HERC1: variants seen among roughly 807,000 people sequenced by gnomAD.
HERC1 encodes HECT and RLD domain containing E3 ubiquitin protein ligase family member 1.
In HERC1, 160 loss-of-function variants were observed where a neutral mutation model predicts 554.3. The ratio of observed to expected loss-of-function variants is 0.29; its 90% confidence interval spans 0.25 to 0.33. The LOEUF (loss-of-function observed/expected upper bound fraction) is 0.33. Ranked by LOEUF, HERC1 falls within the 10% of genes least tolerant of loss-of-function variation. The pLI, the probability that HERC1 is intolerant of heterozygous loss-of-function variation, is 1.00. For missense variants in HERC1, 4,919 were observed against 5,918.5 expected (o/e 0.83, Z 5.54); for synonymous variants, 2,175 against 2,131.7 (o/e 1.02, Z -0.56).
chr15:63,759,267 AAACAGC>A (rs796890038), intron 3 of HERC1, among the ~76,000 whole-genome samples: 63 of 152,326 alleles, frequency 4.1e-4, no homozygotes, highest in African/African-American at 1.4e-3. Flanking sequence ...GCTGTTCTAA[AAACAGC>A]GAAGGCACAA....
rs756599183 is a variant in HERC1, at chr15:63,659,967, G to A, written c.9224-31C>T. 27 of 1,477,652 alleles carry A rather than the reference G, an allele frequency of 1.8e-5. No homozygotes were observed. The South Asian group carries it at 3.0e-4, about 16-fold the overall frequency. 91.5% of individuals were successfully genotyped at this position (1,477,652 alleles called of 1,614,324 possible). ...ATTTAAATAAATAAATGTATAGTAT[G>A]TGAATTTAAATATTACATAAATCTG... is the stretch of plus-strand genomic sequence containing the variant. On this transcript the variant is annotated intron_variant, in intron 46 of 77. Coordinates refer to ENST00000443617, the MANE Select transcript of HERC1 (RefSeq NM_003922.4).
Position 63,674,334 on chromosome 15 carries a change from T to C in HERC1, c.7846+8A>G. The C allele has an allele frequency of 6.4e-7, 1 of 1,559,178 alleles. No individual in the cohort carries two copies. Among genetic ancestry groups the C allele is most frequent in the Non-Finnish European group, 8.7e-7 (1 of 1,155,274 alleles). On this transcript the variant is annotated splice_region_variant and intron_variant, in intron 38 of 77. Transcript: ENST00000443617. ...AAAAGCAAAAAAAAAAAAAATCAGA[T>C]AACATACCTTGCTTAATTTTGCCCC...
In HERC1 at chr15:63,696,407, A is replaced by G. The variant is rs2072415431; in HGVS notation, c.4906-68T>C. 2.7e-6 allele frequency: 3 copies of G among 1,103,542 alleles called. No homozygotes were observed. In the East Asian group the frequency reaches 7.7e-5, roughly 28 times the overall value. The allele number at this position is 1,103,542 out of a possible 1,614,324, so 68.4% of individuals were successfully genotyped here. On this transcript the variant is annotated intron_variant, in intron 26 of 77. Transcript: ENST00000443617. ...GACATGATGAAACTCTGTATGCCAAAAACAGTATTTTTAACACTTAGAAAA... is the reference window on the plus strand; with the variant it reads ...GACATGATGAAACTCTGTATGCCAAGAACAGTATTTTTAACACTTAGAAAA...
At chr15:63,833,607 C>G (rs146651976) in intron 1 of HERC1, among the ~76,000 whole-genome samples, 4,656 of 151,934 alleles carry the variant, frequency 0.031, 230 homozygotes, top group African/African-American at 0.11. Context: ...CCTCTAGAGC[C>G]GGGGACCCGG....
chr15:63,763,053 T>C (rs763889379), intron 3 of HERC1, among the ~76,000 whole-genome samples: 2 of 152,176 alleles, frequency 1.3e-5, no homozygotes, highest in Non-Finnish European at 2.9e-5. Flanking sequence ...TACCAATAAA[T>C]ACCGTGGGGT....
chr15:63,730,026 CAAAAAAAAAAAA>C (rs57121923), intron 14 of HERC1, among the ~76,000 whole-genome samples: 3 of 71,482 alleles, frequency 4.2e-5, no homozygotes, highest in Admixed American at 3.3e-4. Context: ...AACTATGTCT[CAAAAAAAAAAAA>C]AAAAAAAAAG....
At chr15:63,754,825 T>TAAACTGGGTCATAGAG (rs2075367394) in intron 6 of HERC1, among the ~76,000 whole-genome samples, 177 bp from the exon 7 acceptor site, 1 of 152,248 alleles carries the variant, frequency 6.6e-6, no homozygotes, top group Non-Finnish European at 1.5e-5. Flanking sequence ...AAGGTGCTCC[T>TAAACTGGGTCATAGAG]AAACTGGGTC....
chr15:63,608,880 TTTTG>T lies in HERC1; in HGVS notation c.*197_*200del. The T allele has an allele frequency of 2.2e-6, 1 of 452,150 alleles. No individual in the cohort carries two copies. The highest frequency in any genetic ancestry group is 3.7e-6 in the Non-Finnish European group (1 of 270,736). 28.0% of individuals were successfully genotyped at this position (452,150 alleles called of 1,614,324 possible). A position where few individuals can be genotyped will look rare whatever the true frequency, so the allele number is the denominator to read the frequency against. On this transcript the variant is annotated 3_prime_UTR_variant, in exon 78 of 78. Coordinates refer to ENST00000443617, the MANE Select transcript of HERC1 (RefSeq NM_003922.4). ...AAAAACCTGACTGAGAGCACTTCGT[TTTTG>T]TTGTTTTTGTACAATCACAGAAAAA... is the stretch of plus-strand genomic sequence containing the variant.
chr15:63,760,210 CT>C (rs979452804), intron 3 of HERC1, among the ~76,000 whole-genome samples: 6 of 151,532 alleles, frequency 4.0e-5, no homozygotes, highest in African/African-American at 1.5e-4. Flanking sequence ...TGGAAAACGA[CT>C]TTTTTTTAAC....
chr15:63,655,560 A>C (rs1317847193), intron 50 of HERC1, among the ~76,000 whole-genome samples, 182 bp downstream of exon 50: 1 of 152,204 alleles, frequency 6.6e-6, no homozygotes, highest in Non-Finnish European at 1.5e-5. Flanking sequence ...AACTAAACTA[A>C]TATGGTACAT....
chr15:63,628,530 C>A, intron 70 of HERC1, 147 bp downstream of exon 70: 3 of 797,468 alleles, frequency 3.8e-6, no homozygotes, highest in Non-Finnish European at 5.7e-6. Context: ...ACTTCCAGTG[C>A]TAGTAGCACA....
intron 14 of HERC1, among the ~76,000 whole-genome samples, chr15:63,732,095 G>C (rs2074320789): frequency 1.3e-5 from 2 of 152,058 alleles, no homozygotes; most frequent in Admixed American, 6.5e-5. Context: ...TCTGCTCCCT[G>C]GTTCAAGCAA....
At chr15:63,623,617 C>A (rs1191349253) in intron 73 of HERC1, 108 bp downstream of exon 73, 2 of 1,056,584 alleles carry the variant, frequency 1.9e-6, no homozygotes, top group Non-Finnish European at 2.8e-6. Flanking sequence ...CTCACAAATG[C>A]ATCCTTGCTA....
intron 59 of HERC1, among the ~76,000 whole-genome samples, chr15:63,642,449 C>T (rs1272441882): frequency 2.0e-5 from 3 of 152,056 alleles, no homozygotes; most frequent in African/African-American, 7.2e-5. Flanking sequence ...CCAATTCTCC[C>T]GCCTCAGCCT....
intron 24 of HERC1, among the ~76,000 whole-genome samples, chr15:63,707,356 A>T (rs555631003): frequency 3.2e-4 from 49 of 152,350 alleles, no homozygotes; most frequent in African/African-American, 1.2e-3. Flanking sequence ...GTCTTTTTAA[A>T]AAACCTATTA....
At chr15:63,691,824 G>A in intron 31 of HERC1, among the ~76,000 whole-genome samples, 1 of 152,154 alleles carries the variant, frequency 6.6e-6, no homozygotes, top group Middle Eastern at 3.2e-3. Flanking sequence ...CTGTGAATAA[G>A]CTTAATGTCA....
At position 63,752,764 on chromosome 15, in the gene HERC1, G is replaced by C. The variant is rs551134330; in HGVS notation, c.1902+194C>G. ...CAGAGGCTCCACTAAGATTTATCTG[G>C]GTCACATATGCCAGGTTAGAAAACC... On this transcript the variant is annotated intron_variant, in intron 8 of 77. Transcript: ENST00000443617. 5 of 476,756 alleles carry C rather than the reference G, an allele frequency of 1.0e-5. No individual in the cohort carries two copies. In the South Asian group the frequency reaches 1.8e-4, roughly 17 times the overall value. 29.5% of individuals were successfully genotyped at this position (476,756 alleles called of 1,614,324 possible).
chr15:63,755,576 C>A (rs562189176), intron 5 of HERC1, among the ~76,000 whole-genome samples: 44 of 152,128 alleles, frequency 2.9e-4, no homozygotes, highest in African/African-American at 9.4e-4. Context: ...CTCAGGAGTT[C>A]GAGTTCAGCC....
chr15:63,739,386 A>T (rs74989953), intron 12 of HERC1, among the ~76,000 whole-genome samples: 34,266 of 151,346 alleles, frequency 0.23, 4,816 homozygotes, highest in Middle Eastern at 0.35. Flanking sequence ...TTAGTAAAAA[A>T]GGGTTTTACC....
Sources: allele counts gnomAD v4.1 joint callset (sites outside exome capture counted in the v4.1 genomes callset), GRCh38; gene constraint gnomAD v4.1.1; transcripts MANE v1.5; gene names NCBI Gene and HGNC (gene_info 2026-07-23, HGNC 2026-07-21).